Variants in RAB40C observed in about 807,000 individuals in gnomAD.
RAB40C encodes RAB40C, member RAS oncogene family.
RAB40C carries 8 observed loss-of-function variants against 28.1 expected under a neutral mutation model. The observed-to-expected ratio is 0.28, with a 90% confidence interval of 0.17 to 0.51. The LOEUF is 0.51. Ranked by LOEUF, RAB40C falls within the 20% of genes least tolerant of loss-of-function variation. RAB40C has a pLI of 0.97. For synonymous variants in RAB40C, 201 were observed against 171.7 expected (o/e 1.17, Z -1.34); for missense variants, 288 against 405.9 (o/e 0.71, Z 2.50).
chr16:623,723 G>T (rs1325220654), intron 3 of RAB40C, among the ~76,000 whole-genome samples: 1 of 152,048 alleles, frequency 6.6e-6, no homozygotes, highest in Non-Finnish European at 1.5e-5. Flanking sequence ...GAGGCAGGAG[G>T]ATCACTTGAG....
chr16:596,307 C>T (rs1178103477), intron 1 of RAB40C: 1 of 456,092 alleles, frequency 2.2e-6, no homozygotes, highest in South Asian at 1.5e-5. Flanking sequence ...GCCTCTTGTT[C>T]TATTTGAAGA....
intron 1 of RAB40C, among the ~76,000 whole-genome samples, chr16:595,244 C>A (rs1352725346): frequency 6.6e-6 from 1 of 152,078 alleles, no homozygotes; most frequent in African/African-American, 2.4e-5. Flanking sequence ...GCGCTTTCCG[C>A]TGCCCCCGTG....
At chr16:622,128 T>C (rs1020542689) in intron 3 of RAB40C, among the ~76,000 whole-genome samples, 4 of 152,252 alleles carry the variant, frequency 2.6e-5, no homozygotes, top group Non-Finnish European at 5.9e-5. Flanking sequence ...TTTTGTGCTT[T>C]GTAAGTTACA....
At chr16:590,845 C>T (rs1247134718) in intron 1 of RAB40C, among the ~76,000 whole-genome samples, 1 of 119,564 alleles carries the variant, frequency 8.4e-6, no homozygotes, top group African/African-American at 3.2e-5. Flanking sequence ...GTGTCATGGG[C>T]TCGGGGGAAG....
Position 627,758 on chromosome 16 carries a change from C to CCGGCTCAGGTG in RAB40C, c.*136_*137insCGGCTCAGGTG. On this transcript the variant is annotated 3_prime_UTR_variant, in exon 6 of 6. Coordinates refer to ENST00000248139, the MANE Select transcript of RAB40C (RefSeq NM_021168.5). ...CAGAAGCGCCGGGCTTTCCTCACAC[C>CCGGCTCAGGTG]TGAGCCGGGTGCGAGGAGGAGCATG... is the stretch of plus-strand genomic sequence containing the variant. 3.4e-6 allele frequency: 4 copies of CCGGCTCAGGTG among 1,162,006 alleles called. No individual in the cohort carries two copies. The highest frequency in any genetic ancestry group is 4.7e-6 in the Non-Finnish European group (4 of 858,972). The allele number at this position is 1,162,006 out of a possible 1,614,324, so 72.0% of individuals were successfully genotyped here. A position where few individuals can be genotyped will look rare whatever the true frequency, so the allele number is the denominator to read the frequency against.
intron 1 of RAB40C, among the ~76,000 whole-genome samples, chr16:614,044 C>T (rs546020490): frequency 2.6e-4 from 40 of 152,222 alleles, no homozygotes; most frequent in African/African-American, 9.4e-4. Flanking sequence ...TACCGCGTCC[C>T]GATGGTGAAC....
chr16:590,847 C>T (rs1438097512), intron 1 of RAB40C, among the ~76,000 whole-genome samples: 1 of 114,368 alleles, frequency 8.7e-6, no homozygotes, highest in Non-Finnish European at 1.8e-5. Flanking sequence ...GTCATGGGCT[C>T]GGGGGAAGGT....
chr16:617,091 G>A (rs1336096495), intron 1 of RAB40C, 117 bp from the exon 2 acceptor site: 3 of 1,067,692 alleles, frequency 2.8e-6, no homozygotes, highest in South Asian at 1.3e-5. Context: ...GTGTGGGGGA[G>A]CTGCTTCTCC....
chr16:597,410 G>C (rs192206536), intron 1 of RAB40C, among the ~76,000 whole-genome samples: 8 of 152,058 alleles, frequency 5.3e-5, no homozygotes, highest in Non-Finnish European at 1.0e-4. Flanking sequence ...TGTGGTCCTG[G>C]CTGTGTAAAC....
At chr16:622,690 G>C (rs2036745074) in intron 3 of RAB40C, among the ~76,000 whole-genome samples, 2 of 152,332 alleles carry the variant, frequency 1.3e-5, no homozygotes, top group South Asian at 2.1e-4. Flanking sequence ...ATTTTTAGTA[G>C]AGACGGGGTT....
At chr16:623,134 C>A (rs1302230311) in intron 3 of RAB40C, among the ~76,000 whole-genome samples, 1 of 152,150 alleles carries the variant, frequency 6.6e-6, no homozygotes, top group Non-Finnish European at 1.5e-5. Context: ...TGGCCAGGGC[C>A]CCCCGCGTCA....
chr16:604,113 G>A (rs1200294526), intron 1 of RAB40C, among the ~76,000 whole-genome samples: 6 of 150,558 alleles, frequency 4.0e-5, no homozygotes, highest in Non-Finnish European at 5.9e-5. Flanking sequence ...GAGTGCAGTG[G>A]TATGATCTCA....
intron 2 of RAB40C, among the ~76,000 whole-genome samples, chr16:617,585 G>A (rs1166856159): frequency 6.6e-6 from 1 of 152,046 alleles, no homozygotes; most frequent in Non-Finnish European, 1.5e-5. Context: ...GCTCACGCCT[G>A]TCATCCCAGC....
rs149052663 is a variant in RAB40C, at chr16:601,221, G to T, written c.142+10788G>T. The stretch of plus-strand genomic sequence containing the variant: ...GTAGTACCAAAAACTATGATTTTTT[G>T]TGTGTTATCCACACCATCAAGGCTG... On this transcript the variant is annotated intron_variant, in intron 1 of 5. Coordinates refer to ENST00000248139, the MANE Select transcript of RAB40C (RefSeq NM_021168.5). 5.1e-3 allele frequency among the ~76,000 whole-genome samples: 778 copies of T among 152,262 alleles called. 4 individuals are homozygous for T. The highest frequency in any genetic ancestry group is 0.024 in the Middle Eastern group (7 of 294).
chr16:598,680 T>G (rs2036185369), intron 1 of RAB40C, among the ~76,000 whole-genome samples: 1 of 152,060 alleles, frequency 6.6e-6, no homozygotes, highest in East Asian at 1.9e-4. Flanking sequence ...AGGTGGTGGC[T>G]GCAGTGAGTC....
Position 627,624 on chromosome 16 carries a change from G to T in RAB40C, c.*2G>T. 1.3e-6 allele frequency: 2 copies of T among 1,569,768 alleles called. No homozygotes were observed. The highest frequency in any genetic ancestry group is 1.7e-6 in the Non-Finnish European group (2 of 1,155,590). ...CGGAGTAACTGCAAGATCTCCTAGC[G>T]GGGATGGGCGGGGCCGCCTGTGCAG... On this transcript the variant is annotated 3_prime_UTR_variant, in exon 6 of 6. Coordinates refer to ENST00000248139, the MANE Select transcript of RAB40C (RefSeq NM_021168.5).
intron 4 of RAB40C, 47 bp downstream of exon 4, chr16:625,556 G>GC: frequency 6.3e-7 from 1 of 1,580,664 alleles, no homozygotes. Context: ...AGGCTGGATG[G>GC]AGGTACCTGG....
At chr16:597,732 G>C (rs1050531136) in intron 1 of RAB40C, among the ~76,000 whole-genome samples, 1 of 151,334 alleles carries the variant, frequency 6.6e-6, no homozygotes. Flanking sequence ...CAAGCAATCC[G>C]CCCGCCTCAG....
intron 1 of RAB40C, among the ~76,000 whole-genome samples, chr16:612,802 C>A (rs1431398321): frequency 1.0e-4 from 2 of 19,404 alleles, no homozygotes; most frequent in Non-Finnish European, 1.7e-4. Context: ...AGAGCAGGGA[C>A]AGCCGCCCTG....
Sources: gnomAD v4.1 joint callset for allele counts (sites outside exome capture counted in the v4.1 genomes callset) on GRCh38, gnomAD v4.1.1 for gene constraint, MANE v1.5 for transcripts, NCBI Gene and HGNC (gene_info 2026-07-23, HGNC 2026-07-21) for gene names.